The following OTUD7A variants were observed in gnomAD, a reference collection of about 807,000 sequenced individuals.
The protein encoded by OTUD7A is OTU deubiquitinase 7A.
In OTUD7A, 12 loss-of-function variants were observed where a neutral mutation model predicts 65.7. That is an observed-to-expected ratio of 0.18 (90% confidence interval 0.12 to 0.30). The LOEUF is 0.30. OTUD7A is among the 10% of genes least tolerant of loss of function. The pLI is 1.00. For synonymous variants in OTUD7A, 641 were observed against 586.3 expected (o/e 1.09, Z -1.35); for missense variants, 1,148 against 1,304.8 (o/e 0.88, Z 1.85).
chr15:31,575,244 C>T (rs1428973727), intron 3 of OTUD7A, among the ~76,000 whole-genome samples: 1 of 152,164 alleles, frequency 6.6e-6, no homozygotes, highest in Non-Finnish European at 1.5e-5. Flanking sequence ...CCATGTAGCC[C>T]TGTGTGGTAT....
intron 1 of OTUD7A, among the ~76,000 whole-genome samples, chr15:31,745,507 T>C (rs1894452055): frequency 6.6e-6 from 1 of 152,156 alleles, no homozygotes; most frequent in Non-Finnish European, 1.5e-5. Flanking sequence ...TGTACTTCAA[T>C]TCCTACCTAA....
intron 1 of OTUD7A, among the ~76,000 whole-genome samples, chr15:31,844,606 C>T (rs1002950842): frequency 7.2e-5 from 11 of 152,246 alleles, no homozygotes; most frequent in Admixed American, 5.9e-4. Context: ...TGTGAAGATA[C>T]CTGCCTGTGT....
At chr15:31,532,019 T>C (rs1323177270) in intron 5 of OTUD7A, among the ~76,000 whole-genome samples, 1 of 152,196 alleles carries the variant, frequency 6.6e-6, no homozygotes, top group Non-Finnish European at 1.5e-5. Flanking sequence ...TGTCAGGCAA[T>C]GGCCCCCTGA....
chr15:31,507,531 C>A (rs879798413), intron 8 of OTUD7A, among the ~76,000 whole-genome samples: 10 of 152,046 alleles, frequency 6.6e-5, no homozygotes, highest in Non-Finnish European at 1.0e-4. Context: ...AAGTGTGGCA[C>A]GGACCCAAAG....
At chr15:31,745,402 T>C (rs550202787) in intron 1 of OTUD7A, among the ~76,000 whole-genome samples, 7 of 152,136 alleles carry the variant, frequency 4.6e-5, no homozygotes, top group Admixed American at 4.6e-4. Flanking sequence ...ACAGGAGAGC[T>C]AGAAAGAAAC....
intron 3 of OTUD7A, among the ~76,000 whole-genome samples, chr15:31,574,892 A>G (rs916867904): frequency 6.6e-6 from 1 of 152,164 alleles, no homozygotes; most frequent in Non-Finnish European, 1.5e-5. Flanking sequence ...GCCAGGTACC[A>G]GATAACTCAG....
intron 3 of OTUD7A, among the ~76,000 whole-genome samples, chr15:31,613,138 A>G (rs1890481086): frequency 6.6e-6 from 1 of 152,228 alleles, no homozygotes; most frequent in Non-Finnish European, 1.5e-5. Context: ...TTTTACAAAA[A>G]TCAACTCAAG....
chr15:31,609,066 A>G (rs1005020730), intron 3 of OTUD7A, among the ~76,000 whole-genome samples: 14 of 152,354 alleles, frequency 9.2e-5, no homozygotes, highest in Admixed American at 2.0e-4. Context: ...ATACAGGGGT[A>G]GAGGAGGCAG....
chr15:31,670,960 A>C (rs895068168), intron 1 of OTUD7A, among the ~76,000 whole-genome samples: 3 of 151,314 alleles, frequency 2.0e-5, no homozygotes, highest in Non-Finnish European at 4.4e-5. Context: ...GCACCACTGC[A>C]CTCCAGCCTG....
chr15:31,717,575 CT>C (rs1304190250), intron 1 of OTUD7A, among the ~76,000 whole-genome samples: 1 of 152,160 alleles, frequency 6.6e-6, no homozygotes, highest in African/African-American at 2.4e-5. Flanking sequence ...TGAACTCATC[CT>C]TTTTCATGGC....
chr15:31,808,851 A>G lies in OTUD7A; in HGVS notation c.-100+61656T>C, dbSNP rs571865184. On this transcript the variant is annotated intron_variant, in intron 1 of 12. Transcript: ENST00000307050. Reference sequence around the variant, plus strand: ...GTAGGGAGCTACAGAGCTGGACTGAAGGAGTCCAACTTCAGGCTGCGCAGG... The same window carrying G: ...GTAGGGAGCTACAGAGCTGGACTGAGGGAGTCCAACTTCAGGCTGCGCAGG... Among the ~76,000 whole-genome samples the G allele has an allele frequency of 3.9e-5, 6 of 152,368 alleles. No individual in the cohort carries two copies. The South Asian group carries it at 1.2e-3, about 32-fold the overall frequency.
rs562532975 is a variant in OTUD7A at position 31,811,513 on chromosome 15, G to C, written c.-100+58994C>G. On this transcript the variant is annotated intron_variant, in intron 1 of 12. Transcript: ENST00000307050. ...GATGTGTATGTAAGTGCATGGGTAT[G>C]TGTATGACATCTGTGGGGTGTGTGT... Among the ~76,000 whole-genome samples, 91 of 152,186 alleles carry C rather than the reference G, an allele frequency of 6.0e-4. 1 individual carries two copies. Among genetic ancestry groups the C allele is most frequent in the Middle Eastern group, 6.8e-3 (2 of 294 alleles).
intron 4 of OTUD7A, among the ~76,000 whole-genome samples, chr15:31,567,991 C>G (rs559071157): frequency 3.3e-5 from 5 of 152,354 alleles, no homozygotes; most frequent in African/African-American, 1.2e-4. Flanking sequence ...AAGCCTGCAG[C>G]AGGGGCATAG....
chr15:31,649,593 A>C (rs975981912), intron 3 of OTUD7A: 2 of 179,454 alleles, frequency 1.1e-5, no homozygotes, highest in Non-Finnish European at 2.5e-5. Flanking sequence ...CATTCTTTGA[A>C]ACACTGGGTT....
chr15:31,568,871 T>C (rs143542025), intron 4 of OTUD7A, among the ~76,000 whole-genome samples: 224 of 152,348 alleles, frequency 1.5e-3, no homozygotes, highest in African/African-American at 5.1e-3. Context: ...TGTTCCCCCT[T>C]TGCCTTCTGC....
At chr15:31,563,306 T>C (rs1888754695) in intron 4 of OTUD7A, among the ~76,000 whole-genome samples, 2 of 152,190 alleles carry the variant, frequency 1.3e-5, no homozygotes, top group African/African-American at 4.8e-5. Flanking sequence ...CCGTGTGGTG[T>C]AGTCAAGGAA....
intron 1 of OTUD7A, among the ~76,000 whole-genome samples, chr15:31,859,735 G>A (rs1056250849): frequency 1.3e-5 from 2 of 152,174 alleles, no homozygotes; most frequent in Non-Finnish European, 2.9e-5. Flanking sequence ...CCAAGGTTGC[G>A]GCTTGGTTGC....
intron 1 of OTUD7A, among the ~76,000 whole-genome samples, chr15:31,703,169 A>G (rs980731807): frequency 5.3e-5 from 8 of 152,136 alleles, no homozygotes; most frequent in African/African-American, 1.9e-4. Context: ...AAATAAACAT[A>G]CGAGAAAATC....
At chr15:31,621,919 C>A (rs1245495365) in intron 3 of OTUD7A, among the ~76,000 whole-genome samples, 1 of 152,106 alleles carries the variant, frequency 6.6e-6, no homozygotes, top group African/African-American at 2.4e-5. Flanking sequence ...TTCCTTTCCA[C>A]ATTTAGTGCT....
Sources: allele counts gnomAD v4.1 joint callset (sites outside exome capture counted in the v4.1 genomes callset), GRCh38; gene constraint gnomAD v4.1.1; transcripts MANE v1.5; gene names NCBI Gene and HGNC (gene_info 2026-07-23, HGNC 2026-07-21).